Variants in TTBK2 observed in about 807,000 individuals in gnomAD.
TTBK2 encodes tau tubulin kinase 2.
In TTBK2, 28 loss-of-function variants were observed where a neutral mutation model predicts 110.8. That is an observed-to-expected ratio of 0.25 (90% CI 0.19 to 0.35). The LOEUF (loss-of-function observed/expected upper bound fraction) is 0.35. Ranked by LOEUF, TTBK2 falls within the 10% of genes least tolerant of loss-of-function variation. TTBK2 has a pLI of 1.00. For synonymous variants in TTBK2, 532 were observed against 527.3 expected (o/e 1.01, Z -0.12); for missense variants, 1,369 against 1,500.3 (o/e 0.91, Z 1.45).
rs916350030 is a variant in TTBK2, at chr15:42,895,638, C to T, written c.-67-16954G>A. On this transcript the variant is annotated intron_variant, in intron 1 of 14. Transcript: ENST00000267890. ...CTGCAAGTTCCGCCTCCCGGGTTCA[C>T]GCCATTCTCCTGCCTCAGCCTCCCA... Among the ~76,000 whole-genome samples, 6 of 151,584 alleles carry T rather than the reference C, an allele frequency of 4.0e-5. No homozygotes were observed. In the South Asian group the frequency reaches 6.3e-4, roughly 16 times the overall value.
intron 10 of TTBK2, among the ~76,000 whole-genome samples, chr15:42,792,276 C>T (rs1890722013): frequency 6.6e-6 from 1 of 152,186 alleles, no homozygotes; most frequent in Non-Finnish European, 1.5e-5. Flanking sequence ...ACATTGCATG[C>T]ATGTATTAAA....
intron 7 of TTBK2, among the ~76,000 whole-genome samples, chr15:42,815,936 A>C (rs1417244232): frequency 3.0e-5 from 1 of 33,572 alleles, no homozygotes; most frequent in Non-Finnish European, 4.8e-5. Flanking sequence ...TTAAAAATAT[A>C]TATATATATA....
At chr15:42,895,466 A>C (rs900298769) in intron 1 of TTBK2, among the ~76,000 whole-genome samples, 2 of 151,498 alleles carry the variant, frequency 1.3e-5, no homozygotes, top group Non-Finnish European at 2.9e-5. Flanking sequence ...CCATGGAACA[A>C]ATCTACACAT....
intron 9 of TTBK2, among the ~76,000 whole-genome samples, chr15:42,797,246 C>T (rs1890985562): frequency 6.6e-6 from 1 of 152,230 alleles, no homozygotes; most frequent in East Asian, 1.9e-4. Flanking sequence ...TACTGTGCTG[C>T]AACAGGAATG....
intron 1 of TTBK2, chr15:42,908,161 C>T (rs2030523651): frequency 1.3e-5 from 2 of 151,964 alleles, no homozygotes; most frequent in Non-Finnish European, 2.9e-5. Flanking sequence ...CCAATGCCAC[C>T]TACTATTTTT....
chr15:42,890,675 C>T (rs191813652), intron 1 of TTBK2, among the ~76,000 whole-genome samples: 49 of 152,150 alleles, frequency 3.2e-4, no homozygotes, highest in Admixed American at 3.1e-3. Flanking sequence ...TTGGAATTTC[C>T]TAAGTGATAT....
At chr15:42,758,123 G>A (rs769511527) in intron 13 of TTBK2, among the ~76,000 whole-genome samples, 43 of 152,106 alleles carry the variant, frequency 2.8e-4, no homozygotes, top group Admixed American at 1.1e-3. Context: ...TAAAAACTGC[G>A]AAATTCAACA....
intron 3 of TTBK2, among the ~76,000 whole-genome samples, chr15:42,855,686 A>T (rs7173782): frequency 0.45 from 69,167 of 152,038 alleles, 19,974 homozygotes; most frequent in African/African-American, 0.81. Flanking sequence ...TATTTATTAT[A>T]TATTGATTTA....
intron 13 of TTBK2, among the ~76,000 whole-genome samples, chr15:42,768,816 C>T (rs1353565267): frequency 2.0e-5 from 3 of 152,098 alleles, no homozygotes; most frequent in Admixed American, 6.5e-5. Context: ...AATCCTAAGC[C>T]AAAAGAACAA....
chr15:42,815,948 TTA>T (rs1567040507), intron 7 of TTBK2, among the ~76,000 whole-genome samples: 4 of 19,922 alleles, frequency 2.0e-4, no homozygotes, highest in Non-Finnish European at 3.4e-4. Context: ...ATATATATAT[TTA>T]AAAAAAAAAT....
rs1384161974 is a variant in TTBK2, at chr15:42,763,102, ACG to A, written c.1999-9857_1999-9856del. On this transcript the variant is annotated intron_variant, in intron 13 of 14. Coordinates refer to ENST00000267890, the MANE Select transcript of TTBK2 (RefSeq NM_173500.4). Reference sequence around the variant, plus strand: ...AACAATTTTATATATATATATATATACGTATATATATATATACACATATATAT... The same window carrying A: ...AACAATTTTATATATATATATATATATATATATATATATACACATATATAT... Among the ~76,000 whole-genome samples the A allele has an allele frequency of 5.1e-3, 557 of 108,776 alleles. 26 individuals carry two copies. The highest frequency in any genetic ancestry group is 0.023 in the African/African-American group (485 of 20,976). The allele number at this position is 108,776 out of a possible 152,430, so 71.4% of individuals were successfully genotyped here. A position where few individuals can be genotyped will look rare whatever the true frequency, so the allele number is the denominator to read the frequency against.
chr15:42,884,063 AAG>A (rs1318970763), intron 1 of TTBK2, among the ~76,000 whole-genome samples: 1 of 152,200 alleles, frequency 6.6e-6, no homozygotes, highest in Non-Finnish European at 1.5e-5. Context: ...CCAATTTACA[AAG>A]AAATTATAAA....
intron 9 of TTBK2, among the ~76,000 whole-genome samples, chr15:42,808,429 G>T (rs1891569932): frequency 6.6e-6 from 1 of 152,148 alleles, no homozygotes; most frequent in African/African-American, 2.4e-5. Flanking sequence ...ACATATCATT[G>T]CTATTTGACC....
chr15:42,827,135 C>T (rs973958368), intron 6 of TTBK2, among the ~76,000 whole-genome samples: 1 of 152,162 alleles, frequency 6.6e-6, no homozygotes, highest in African/African-American at 2.4e-5. Flanking sequence ...CTTACTGGTA[C>T]CACTACCATC....
At chr15:42,746,779 C>T (rs957619559) in intron 14 of TTBK2, among the ~76,000 whole-genome samples, 2 of 151,928 alleles carry the variant, frequency 1.3e-5, no homozygotes, top group Admixed American at 6.6e-5. Context: ...ATGAACTACA[C>T]TCAGCAACAG....
rs67420749 is a variant in TTBK2 at position 42,831,022 on chromosome 15, ATGTGTGTGTGTG to A, written c.292-956_292-945del. 2.5e-4 allele frequency among the ~76,000 whole-genome samples: 36 copies of A among 145,542 alleles called. No homozygotes were observed. The East Asian group carries it at 6.4e-3, about 26-fold the overall frequency. ...TCCATCTCAAAAAAAAAATGTATATATGTGTGTGTGTGTGTGTGTGTGTGTGTGTGATCAAGT... is the reference window on the plus strand; with the variant it reads ...TCCATCTCAAAAAAAAAATGTATATATGTGTGTGTGTGTGTGTGATCAAGT... On this transcript the variant is annotated intron_variant, in intron 4 of 14. Transcript: ENST00000267890.
intron 13 of TTBK2, among the ~76,000 whole-genome samples, chr15:42,754,746 C>T (rs1406988978): frequency 2.1e-5 from 3 of 143,744 alleles, no homozygotes; most frequent in African/African-American, 2.5e-5. Flanking sequence ...CGGTGGCTCA[C>T]GCCTGTAATC....
rs548979601 is a variant in TTBK2 at position 42,867,117 on chromosome 15, G to A, written c.217+5494C>T. On this transcript the variant is annotated intron_variant, in intron 3 of 14. Coordinates refer to ENST00000267890, the MANE Select transcript of TTBK2 (RefSeq NM_173500.4). ...AAATTAGCCGGGCATGGTGGCAGGCGCCTGTAGTCCCAGCTACTAGGGAGG... is the reference window on the plus strand; with the variant it reads ...AAATTAGCCGGGCATGGTGGCAGGCACCTGTAGTCCCAGCTACTAGGGAGG... Among the ~76,000 whole-genome samples the A allele has an allele frequency of 3.9e-3, 592 of 151,864 alleles. 4 individuals are homozygous for A. Among genetic ancestry groups the A allele is most frequent in the Non-Finnish European group, 5.3e-3 (363 of 67,898 alleles).
rs59708577 is a variant in TTBK2 at position 42,807,591 on chromosome 15, T to TTTGTTGTTG, written c.822+3014_822+3022dup. Reference sequence around the variant, plus strand: ...ACCTGGCTAATTTTTTTTGTTGTTTTTTGTTGTTGTTGTTGTTTTGTTTTT... The same window carrying TTTGTTGTTG: ...ACCTGGCTAATTTTTTTTGTTGTTTTTTGTTGTTGTTGTTGTTGTTGTTGTTTTGTTTTT... On this transcript the variant is annotated intron_variant, in intron 9 of 14. Transcript: ENST00000267890. Among the ~76,000 whole-genome samples the TTTGTTGTTG allele has an allele frequency of 7.1e-3, 1,070 of 150,726 alleles. 6 individuals are homozygous for TTTGTTGTTG. Among genetic ancestry groups the TTTGTTGTTG allele is most frequent in the African/African-American group, 0.024 (985 of 40,900 alleles).
Sources: gnomAD v4.1 joint callset for allele counts (sites outside exome capture counted in the v4.1 genomes callset) on GRCh38, gnomAD v4.1.1 for gene constraint, MANE v1.5 for transcripts, NCBI Gene and HGNC (gene_info 2026-07-23, HGNC 2026-07-21) for gene names.